The following CDH13 variants were observed in gnomAD, a reference collection of about 807,000 sequenced individuals.
CDH13 encodes the protein cadherin 13.
In CDH13, 24 loss-of-function variants were observed where a neutral mutation model predicts 63.8. The ratio of observed to expected loss-of-function variants is 0.38; its 90% confidence interval spans 0.27 to 0.53. CDH13 has a LOEUF of 0.53. Among genes scored for constraint, CDH13 ranks in the 20% least tolerant of loss-of-function variants. The probability of loss-of-function intolerance (pLI) is 0.85; values close to 1 mark genes in which losing one functional copy is unlikely to be tolerated. For missense variants in CDH13, 1,049 were observed against 903.1 expected (o/e 1.16, Z -2.07); for synonymous variants, 503 against 355.3 (o/e 1.42, Z -4.67).
chr16:82,680,070 C>G (rs909357033), intron 1 of CDH13, among the ~76,000 whole-genome samples: 2 of 152,144 alleles, frequency 1.3e-5, no homozygotes, highest in Non-Finnish European at 2.9e-5. Flanking sequence ...CCACTCTCAT[C>G]CCTCCACTGG....
At chr16:82,661,712 A>T (rs952327143) in intron 1 of CDH13, among the ~76,000 whole-genome samples, 13 of 152,238 alleles carry the variant, frequency 8.5e-5, no homozygotes, top group African/African-American at 3.1e-4. Flanking sequence ...TCAGAAATGA[A>T]TGTACATTGT....
chr16:83,620,338 C>G (rs1362016374), intron 8 of CDH13, among the ~76,000 whole-genome samples: 1 of 148,990 alleles, frequency 6.7e-6, no homozygotes, highest in Non-Finnish European at 1.5e-5. Flanking sequence ...TTGCAATGAG[C>G]CGAGATCGCA....
At chr16:83,135,648 A>T (rs1000586409) in intron 4 of CDH13, among the ~76,000 whole-genome samples, 2 of 152,230 alleles carry the variant, frequency 1.3e-5, no homozygotes, top group African/African-American at 4.8e-5. Context: ...TAGAACTACC[A>T]TTTGATCCAG....
At chr16:82,817,466 C>G (rs753035722) in intron 1 of CDH13, among the ~76,000 whole-genome samples, 1 of 152,134 alleles carries the variant, frequency 6.6e-6, no homozygotes, top group African/African-American at 2.4e-5. Context: ...TACTCTCATA[C>G]ACACAGAAAT....
intron 3 of CDH13, among the ~76,000 whole-genome samples, chr16:83,043,490 A>AGTGTGTGTGTGTGTGT (rs67312035): frequency 1.5e-5 from 2 of 132,098 alleles, no homozygotes; most frequent in African/African-American, 5.1e-5. Flanking sequence ...TGTATATATG[A>AGTGTGTGTGTGTGTGT]GTGTGTGTGT....
intron 7 of CDH13, among the ~76,000 whole-genome samples, chr16:83,597,258 G>A (rs1300793637): frequency 1.3e-5 from 2 of 151,984 alleles, no homozygotes; most frequent in African/African-American, 4.8e-5. Flanking sequence ...AAACTTAGAA[G>A]CAACCCAAAT....
chr16:83,658,727 C>G (rs1485542836), intron 8 of CDH13, among the ~76,000 whole-genome samples: 9 of 149,470 alleles, frequency 6.0e-5, no homozygotes, highest in Admixed American at 2.6e-4. Context: ...GTCTCATGTC[C>G]TCACCACCAG....
chr16:83,479,183 G>C (rs1275748426), intron 6 of CDH13, among the ~76,000 whole-genome samples: 1 of 152,208 alleles, frequency 6.6e-6, no homozygotes, highest in African/African-American at 2.4e-5. Context: ...AGGGAAGAAA[G>C]GAATTGTTTC....
chr16:83,073,174 G>A (rs1361883601), intron 3 of CDH13, among the ~76,000 whole-genome samples: 1 of 152,088 alleles, frequency 6.6e-6, no homozygotes, highest in African/African-American at 2.4e-5. Context: ...AGGCTTGCGT[G>A]GCTAGTGATT....
intron 9 of CDH13, among the ~76,000 whole-genome samples, chr16:83,672,622 A>G (rs1368247955): frequency 6.6e-6 from 1 of 151,582 alleles, no homozygotes; most frequent in African/African-American, 2.4e-5. Flanking sequence ...ACGGGGTCTC[A>G]CCAGGTTGGC....
At chr16:83,417,227 G>A (rs2071576616) in intron 6 of CDH13, among the ~76,000 whole-genome samples, 1 of 152,160 alleles carries the variant, frequency 6.6e-6, no homozygotes, top group South Asian at 2.1e-4. Context: ...CCACACTTTT[G>A]ACCTGGGCTT....
At chr16:83,704,566 C>T (rs1457241822) in intron 10 of CDH13, among the ~76,000 whole-genome samples, 2 of 152,210 alleles carry the variant, frequency 1.3e-5, no homozygotes, top group African/African-American at 4.8e-5. Context: ...CTGCCCACAG[C>T]CCCGCTGCCA....
chr16:83,429,604 G>A (rs1339042013), intron 6 of CDH13, among the ~76,000 whole-genome samples: 1 of 151,950 alleles, frequency 6.6e-6, no homozygotes. Context: ...TAAATTACCT[G>A]GTCTCCAGCC....
rs181586251 is a variant in CDH13 at position 82,963,242 on chromosome 16, G to A, written c.158-68768G>A. On this transcript the variant is annotated intron_variant, in intron 2 of 13. Transcript: ENST00000567109. ...AAAAAAAAAAAAAATTGCCAGGTGT[G>A]GTGGTGGGCACCTGTAATCCCAGCT... is the stretch of plus-strand genomic sequence containing the variant. Among the ~76,000 whole-genome samples, 171 of 152,028 alleles carry A rather than the reference G, an allele frequency of 1.1e-3. 1 individual carries two copies. Among genetic ancestry groups the A allele is most frequent in the Non-Finnish European group, 1.8e-3 (124 of 67,952 alleles).
chr16:82,723,118 G>A (rs940323497), intron 1 of CDH13: 2 of 152,254 alleles, frequency 1.3e-5, no homozygotes, highest in Non-Finnish European at 2.9e-5. Context: ...AGGTGGACCT[G>A]GGGAACAGTC....
chr16:82,986,165 T>G (rs1910911777), intron 2 of CDH13, among the ~76,000 whole-genome samples: 1 of 152,242 alleles, frequency 6.6e-6, no homozygotes, highest in Admixed American at 6.5e-5. Context: ...AAACACAGTC[T>G]GTGCCTGCAA....
intron 2 of CDH13, among the ~76,000 whole-genome samples, chr16:82,983,491 T>G (rs1215116190): frequency 6.6e-6 from 1 of 152,122 alleles, no homozygotes. Context: ...TTCCCTGGAT[T>G]CCAGGAAGAC....
chr16:82,778,102 G>A (rs564790575), intron 1 of CDH13, among the ~76,000 whole-genome samples: 4 of 152,292 alleles, frequency 2.6e-5, no homozygotes, highest in African/African-American at 9.6e-5. Context: ...ATATGAGGAG[G>A]CAGGGTTCAC....
intron 10 of CDH13, among the ~76,000 whole-genome samples, chr16:83,679,147 G>C (rs1915199359): frequency 6.6e-6 from 1 of 152,130 alleles, no homozygotes; most frequent in Non-Finnish European, 1.5e-5. Context: ...CTTAAGCTCT[G>C]CCCAGTGCTT....
Sources: gnomAD v4.1 joint callset for allele counts (sites outside exome capture counted in the v4.1 genomes callset) on GRCh38, gnomAD v4.1.1 for gene constraint, MANE v1.5 for transcripts, NCBI Gene and HGNC (gene_info 2026-07-23, HGNC 2026-07-21) for gene names.